ADAMTSL1: variants seen among roughly 807,000 people sequenced by gnomAD.
The protein encoded by ADAMTSL1 is ADAMTS like 1.
ADAMTSL1 carries 126 observed loss-of-function variants against 201.8 expected under a neutral mutation model. The ratio of observed to expected loss-of-function variants is 0.62; its 90% CI spans 0.54 to 0.72. The LOEUF is 0.72. Ranked by LOEUF, ADAMTSL1 falls within the 30% of genes least tolerant of loss-of-function variation. The probability of loss-of-function intolerance (pLI) is 0.00; values close to 1 mark genes in which losing one functional copy is unlikely to be tolerated. For synonymous variants in ADAMTSL1, 1,121 were observed against 903.4 expected (o/e 1.24, Z -4.32); for missense variants, 2,679 against 2,277.8 (o/e 1.18, Z -3.59).
intron 17 of ADAMTSL1, among the ~76,000 whole-genome samples, chr9:18,774,482 C>A (rs1820868424): frequency 6.6e-6 from 1 of 151,856 alleles, no homozygotes; most frequent in Non-Finnish European, 1.5e-5. Flanking sequence ...CTGCACCCAC[C>A]CAGACTCCAA....
In ADAMTSL1 at chr9:17,983,064, C is replaced by CTTTTTTTTTTTTTTTTTTTTTTT. The variant is rs202085722; in HGVS notation, c.87+76145_87+76146insTTTTTTTTTTTTTTTTTTTTTTT. Among the ~76,000 whole-genome samples, 64 of 88,554 alleles carry CTTTTTTTTTTTTTTTTTTTTTTT rather than the reference C, an allele frequency of 7.2e-4. 4 individuals carry two copies. Among genetic ancestry groups the CTTTTTTTTTTTTTTTTTTTTTTT allele is most frequent in the Non-Finnish European group, 8.8e-4 (41 of 46,500 alleles). 58.1% of individuals were successfully genotyped at this position (88,554 alleles called of 152,430 possible). A position where few individuals can be genotyped will look rare whatever the true frequency, so the allele number is the denominator to read the frequency against. On this transcript the variant is annotated intron_variant, in intron 1 of 29. Coordinates refer to the ADAMTSL1 transcript ENST00000680146. ...TTTTCATTTTCTTTTTCTTTTCTTT[C>CTTTTTTTTTTTTTTTTTTTTTTT]TTTCTTTCTTTCTTTTTTTTTTTTG...
chr9:17,972,581 G>A (rs1818256373), intron 1 of ADAMTSL1, among the ~76,000 whole-genome samples: 1 of 151,776 alleles, frequency 6.6e-6, no homozygotes, highest in Admixed American at 6.6e-5. Context: ...CATTTAGGTT[G>A]GTTCCAAGTC....
intron 2 of ADAMTSL1, among the ~76,000 whole-genome samples, chr9:18,223,454 C>T (rs1007038333): frequency 6.6e-6 from 1 of 151,950 alleles, no homozygotes; most frequent in East Asian, 1.9e-4. Context: ...TCTTTACCAT[C>T]TTTTTGCTTC....
At chr9:18,504,706 T>G in intron 1 of ADAMTSL1, 123 bp from the exon 2 acceptor site, 1 of 1,311,160 alleles carries the variant, frequency 7.6e-7, no homozygotes, top group Non-Finnish European at 1.1e-6. Flanking sequence ...AGAATCTGAT[T>G]GCGCGTTTTC....
intron 3 of ADAMTSL1, among the ~76,000 whole-genome samples, chr9:18,540,272 T>G (rs1820045482): frequency 6.6e-6 from 1 of 152,204 alleles, no homozygotes; most frequent in South Asian, 2.1e-4. Context: ...GAGATGCAGA[T>G]GATAAAGTTT....
intron 2 of ADAMTSL1, among the ~76,000 whole-genome samples, chr9:18,525,695 T>G (rs567586745): frequency 6.6e-6 from 1 of 152,318 alleles, no homozygotes; most frequent in South Asian, 2.1e-4. Context: ...CTTCATTTCA[T>G]TTTGTACCCA....
intron 2 of ADAMTSL1, among the ~76,000 whole-genome samples, chr9:18,170,210 A>G (rs1255332148): frequency 2.0e-5 from 3 of 152,082 alleles, no homozygotes; most frequent in Admixed American, 1.3e-4. Context: ...AATATTTCAT[A>G]TAACTTCACA....
chr9:18,821,064 A>G (rs1228914857), intron 21 of ADAMTSL1, among the ~76,000 whole-genome samples: 1 of 152,192 alleles, frequency 6.6e-6, no homozygotes, highest in Non-Finnish European at 1.5e-5. Flanking sequence ...AGATTATGGT[A>G]CAGTTTAGGT....
chr9:18,217,849 A>C (rs978009562), intron 2 of ADAMTSL1, among the ~76,000 whole-genome samples: 5 of 151,928 alleles, frequency 3.3e-5, no homozygotes, highest in African/African-American at 1.2e-4. Context: ...GGCAGAGGAA[A>C]GTTGTTTTTT....
chr9:18,577,288 C>A (rs758727940), intron 4 of ADAMTSL1, among the ~76,000 whole-genome samples: 47 of 152,082 alleles, frequency 3.1e-4, no homozygotes, highest in Admixed American at 2.1e-3. Context: ...GAGTTTGAGA[C>A]CTGCCTGGCC....
At chr9:18,834,885 C>G (rs1182734509) in intron 23 of ADAMTSL1, among the ~76,000 whole-genome samples, 1 of 152,090 alleles carries the variant, frequency 6.6e-6, no homozygotes, top group Non-Finnish European at 1.5e-5. Flanking sequence ...GAGACGGAAT[C>G]GTTATTTTCA....
At chr9:18,107,867 A>T (rs1824826519) in intron 1 of ADAMTSL1, among the ~76,000 whole-genome samples, 1 of 152,176 alleles carries the variant, frequency 6.6e-6, no homozygotes, top group Non-Finnish European at 1.5e-5. Context: ...GCCAGAAGTC[A>T]GTCACGACCA....
At chr9:18,677,780 A>G (rs897912409) in intron 10 of ADAMTSL1, among the ~76,000 whole-genome samples, 1 of 152,044 alleles carries the variant, frequency 6.6e-6, no homozygotes, top group Non-Finnish European at 1.5e-5. Context: ...TGGCATGTCT[A>G]TGTATCACAA....
intron 2 of ADAMTSL1, among the ~76,000 whole-genome samples, chr9:18,456,609 T>C (rs1017034488): frequency 2.0e-5 from 3 of 152,222 alleles, no homozygotes; most frequent in African/African-American, 7.2e-5. Flanking sequence ...TTTCACTGCC[T>C]GGATTTCTTT....
chr9:18,395,000 C>A (rs940119033), intron 2 of ADAMTSL1, among the ~76,000 whole-genome samples: 1 of 152,122 alleles, frequency 6.6e-6, no homozygotes, highest in Non-Finnish European at 1.5e-5. Flanking sequence ...TTCTTGGAAA[C>A]CTTGGTTTAA....
chr9:18,411,179 T>C (rs1563942670), intron 2 of ADAMTSL1, among the ~76,000 whole-genome samples: 2 of 149,022 alleles, frequency 1.3e-5, no homozygotes, highest in African/African-American at 4.9e-5. Flanking sequence ...TATTTATTTA[T>C]TTATTTATTT....
chr9:18,385,397 C>T (rs1343824167), intron 2 of ADAMTSL1, among the ~76,000 whole-genome samples: 4 of 152,082 alleles, frequency 2.6e-5, no homozygotes, highest in African/African-American at 9.7e-5. Flanking sequence ...GAAGTGTCTC[C>T]ACTGAAAACA....
At chr9:18,119,147 G>A (rs1421555470) in intron 1 of ADAMTSL1, among the ~76,000 whole-genome samples, 2 of 151,932 alleles carry the variant, frequency 1.3e-5, no homozygotes, top group African/African-American at 4.8e-5. Flanking sequence ...TTTTAAAATG[G>A]GTCAGAACAG....
intron 23 of ADAMTSL1, among the ~76,000 whole-genome samples, chr9:18,838,323 C>A (rs1438554469): frequency 6.7e-6 from 1 of 149,634 alleles, no homozygotes; most frequent in African/African-American, 2.5e-5. Flanking sequence ...AGGTATAATT[C>A]AAATGAGATT....
Sources: gnomAD v4.1 joint callset for allele counts (sites outside exome capture counted in the v4.1 genomes callset) on GRCh38, gnomAD v4.1.1 for gene constraint, MANE v1.5 for transcripts, NCBI Gene and HGNC (gene_info 2026-07-23, HGNC 2026-07-21) for gene names.